ZBTB20: variants seen among roughly 807,000 people sequenced by gnomAD.
ZBTB20 encodes zinc finger and BTB domain-containing protein 20.
In ZBTB20, 9 loss-of-function variants were observed where a neutral mutation model predicts 56.9. The ratio of observed to expected loss-of-function variants is 0.16; its 90% CI spans 0.10 to 0.28. ZBTB20 has a LOEUF of 0.28. Among genes scored for constraint, ZBTB20 ranks in the 10% least tolerant of loss-of-function variants. The pLI is 1.00. For missense variants in ZBTB20, 655 were observed against 1,003.0 expected, an observed-to-expected ratio of 0.65 and a Z score of 4.69; for synonymous variants, 417 against 420.7, an observed-to-expected ratio of 0.99 and a Z score of 0.11.
At chr3:114,988,845 T>C (rs2078671179) in intron 2 of ZBTB20, among the ~76,000 whole-genome samples, 2 of 152,234 alleles carry the variant, frequency 1.3e-5, no homozygotes, top group Admixed American at 6.5e-5. Context: ...ATTTCTCTGA[T>C]GGCCAGTGAT....
chr3:114,643,917 C>G (rs9841504), intron 6 of ZBTB20, among the ~76,000 whole-genome samples: 23,183 of 151,942 alleles, frequency 0.15, 2,462 homozygotes, highest in African/African-American at 0.28. Flanking sequence ...TATATTTTTA[C>G]CAGTAATCCT....
intron 6 of ZBTB20, among the ~76,000 whole-genome samples, chr3:114,563,521 T>C (rs1274575423): frequency 6.6e-6 from 1 of 152,184 alleles, no homozygotes; most frequent in Non-Finnish European, 1.5e-5. Context: ...AAATGGTCAA[T>C]TGTTGCCACA....
chr3:114,635,602 A>C (rs1346730711), intron 6 of ZBTB20, among the ~76,000 whole-genome samples: 5 of 152,172 alleles, frequency 3.3e-5, no homozygotes, highest in Non-Finnish European at 7.4e-5. Flanking sequence ...AGAGATAGAG[A>C]CTATTAAAAA....
chr3:114,662,802 T>A (rs915980923), intron 6 of ZBTB20, among the ~76,000 whole-genome samples: 10 of 152,142 alleles, frequency 6.6e-5, no homozygotes, highest in Admixed American at 6.6e-5. Flanking sequence ...ATTCTGGATA[T>A]TAGCCATGAG....
At chr3:114,543,899 T>C (rs781690690) in intron 6 of ZBTB20, among the ~76,000 whole-genome samples, 5 of 152,208 alleles carry the variant, frequency 3.3e-5, no homozygotes, top group Non-Finnish European at 7.3e-5. Flanking sequence ...AGAGTAAGCA[T>C]GAAAAAATCT....
At chr3:114,685,942 T>C (rs2062313952) in intron 6 of ZBTB20, among the ~76,000 whole-genome samples, 1 of 152,172 alleles carries the variant, frequency 6.6e-6, no homozygotes, top group Admixed American at 6.5e-5. Context: ...ATGTAGAACA[T>C]ATAATTTTAA....
At position 114,950,682 on chromosome 3, in the gene ZBTB20, T is replaced by C. The variant is rs115517428; in HGVS notation, c.-456+23684A>G. ...CTCCTCAGCATATATCCAATAAGAA[T>C]GCTTAAATATGTAAAACAAGACATG... On this transcript the variant is annotated intron_variant, in intron 3 of 11. Coordinates refer to ENST00000675478, the MANE Select transcript of ZBTB20 (RefSeq NM_001348800.3). Among the ~76,000 whole-genome samples, 1,341 of 152,244 alleles carry C rather than the reference T, an allele frequency of 8.8e-3. 15 individuals carry two copies. Among genetic ancestry groups the C allele is most frequent in the African/African-American group, 0.031 (1,275 of 41,562 alleles).
chr3:114,826,246 C>A (rs1231375611), intron 4 of ZBTB20, among the ~76,000 whole-genome samples: 1 of 151,576 alleles, frequency 6.6e-6, no homozygotes. Flanking sequence ...TGTAATATGT[C>A]TTCCCAAATC....
At position 115,044,323 on chromosome 3, in the gene ZBTB20, A is replaced by T. The variant is rs75111914; in HGVS notation, c.-507+26896T>A. ...TGCAGCGAGAAAAACAAAACAAAAC[A>T]AAACTAAATCCATAGAGCTGATTTT... On this transcript the variant is annotated intron_variant, in intron 2 of 11. Transcript: ENST00000675478. Among the ~76,000 whole-genome samples the T allele has an allele frequency of 6.1e-3, 923 of 152,330 alleles. 6 individuals are homozygous for T. The highest frequency in any genetic ancestry group is 0.014 in the African/African-American group (566 of 41,568).
chr3:115,035,436 T>C (rs939685072), intron 2 of ZBTB20, among the ~76,000 whole-genome samples: 2 of 152,010 alleles, frequency 1.3e-5, no homozygotes, highest in Admixed American at 6.6e-5. Context: ...GATATACAGA[T>C]GGCAAACAAG....
chr3:114,644,656 T>C (rs1276358176), intron 6 of ZBTB20, among the ~76,000 whole-genome samples: 1 of 152,150 alleles, frequency 6.6e-6, no homozygotes, highest in Non-Finnish European at 1.5e-5. Flanking sequence ...TTGGTGGGAA[T>C]GTAAACTAGT....
chr3:114,346,680 C>G (rs60261592), intron 11 of ZBTB20, among the ~76,000 whole-genome samples: 1 of 136,404 alleles, frequency 7.3e-6, no homozygotes, highest in Non-Finnish European at 1.6e-5. Flanking sequence ...TTGTCTCAAA[C>G]AGATTTTTTT....
chr3:114,548,522 T>C (rs2942789), intron 6 of ZBTB20, among the ~76,000 whole-genome samples: 5,001 of 151,044 alleles, frequency 0.033, 266 homozygotes, highest in African/African-American at 0.11. Context: ...ATTTTCTTTT[T>C]TTTTTTTTCT....
At chr3:114,358,335 A>G (rs2081458601) in intron 10 of ZBTB20, among the ~76,000 whole-genome samples, 2 of 152,178 alleles carry the variant, frequency 1.3e-5, no homozygotes, top group Admixed American at 6.5e-5. Flanking sequence ...ATTGAGAACT[A>G]GAAAAACATT....
intron 1 of ZBTB20, among the ~76,000 whole-genome samples, chr3:115,089,363 T>C (rs1521566): frequency 0.054 from 8,191 of 151,888 alleles, 336 homozygotes; most frequent in Admixed American, 0.15. Context: ...AGAGATCCCA[T>C]AGGCGAAGTT....
chr3:114,780,693 G>A (rs990336325), intron 5 of ZBTB20, among the ~76,000 whole-genome samples: 5 of 152,102 alleles, frequency 3.3e-5, no homozygotes, highest in African/African-American at 9.7e-5. Context: ...TCACCATGTT[G>A]GCCAGGATGG....
chr3:114,693,932 T>C (rs1186670321), intron 5 of ZBTB20, among the ~76,000 whole-genome samples: 1 of 152,086 alleles, frequency 6.6e-6, no homozygotes, highest in Non-Finnish European at 1.5e-5. Context: ...TGTAAACCAC[T>C]AGGATTTGCA....
chr3:114,951,287 CATA>C (rs2077058850), intron 3 of ZBTB20, among the ~76,000 whole-genome samples: 1 of 151,686 alleles, frequency 6.6e-6, no homozygotes. Flanking sequence ...TAAATATGGG[CATA>C]GTCACAGAAA....
intron 5 of ZBTB20, among the ~76,000 whole-genome samples, chr3:114,773,751 A>G (rs1488029739): frequency 6.6e-6 from 1 of 152,230 alleles, no homozygotes; most frequent in Non-Finnish European, 1.5e-5. Flanking sequence ...AAAGAGAAAG[A>G]AAGTCCAGGC....
Sources: gnomAD v4.1 joint callset for allele counts (sites outside exome capture counted in the v4.1 genomes callset) on GRCh38, gnomAD v4.1.1 for gene constraint, MANE v1.5 for transcripts, NCBI Gene and HGNC (gene_info 2026-07-23, HGNC 2026-07-21) for gene names.